The following SLC24A2 variants were observed in gnomAD, a reference collection of about 807,000 sequenced individuals.
SLC24A2 encodes the protein sodium/potassium/calcium exchanger 2.
SLC24A2 carries 36 observed loss-of-function variants against 62.0 expected under a neutral mutation model. The ratio of observed to expected loss-of-function variants is 0.58; its 90% confidence interval spans 0.44 to 0.77. The LOEUF is 0.77. Among genes scored for constraint, SLC24A2 ranks in the 30% least tolerant of loss-of-function variants. The pLI is 0.00. For synonymous variants in SLC24A2, 358 were observed against 294.0 expected, an observed-to-expected ratio of 1.22 and a Z score of -2.23; for missense variants, 846 against 817.9, an observed-to-expected ratio of 1.03 and a Z score of -0.42.
intron 2 of SLC24A2, among the ~76,000 whole-genome samples, chr9:19,703,992 T>A (rs1197494092): frequency 6.6e-6 from 1 of 152,210 alleles, no homozygotes; most frequent in African/African-American, 2.4e-5. Context: ...AGCAGGGCAA[T>A]TGGAAATAAC....
chr9:19,645,082 G>T (rs1818603780), intron 2 of SLC24A2, among the ~76,000 whole-genome samples: 1 of 152,156 alleles, frequency 6.6e-6, no homozygotes, highest in African/African-American at 2.4e-5. Context: ...TGCTCCTCAT[G>T]TCCACTGGTG....
chr9:20,224,078 T>G, the SLC24A2 span, among the ~76,000 whole-genome samples: 4 of 152,028 alleles, frequency 2.6e-5, no homozygotes, highest in African/African-American at 9.7e-5. Flanking sequence ...GAAACTGCCC[T>G]CATGATCCAA....
the SLC24A2 span, among the ~76,000 whole-genome samples, chr9:19,923,892 T>A: frequency 1.6e-3 from 251 of 152,224 alleles, no homozygotes; most frequent in Admixed American, 3.7e-3. Context: ...GGATTACAGG[T>A]GTGCACCACC....
At chr9:20,068,055 C>T in the SLC24A2 span, among the ~76,000 whole-genome samples, 7 of 131,642 alleles carry the variant, frequency 5.3e-5, no homozygotes, top group East Asian at 2.0e-4. Context: ...TATTTTTTGA[C>T]TCTTTTTTTT....
the SLC24A2 span, among the ~76,000 whole-genome samples, chr9:20,226,881 G>A: frequency 6.6e-6 from 1 of 152,206 alleles, no homozygotes. Flanking sequence ...AGCCAGCGAA[G>A]TAGGCTCTGA....
chr9:19,596,510 C>T (rs907284757), intron 5 of SLC24A2, among the ~76,000 whole-genome samples: 4 of 152,176 alleles, frequency 2.6e-5, no homozygotes, highest in African/African-American at 4.8e-5. Context: ...GGCAAACCTA[C>T]ATCAGAAAAG....
chr9:20,072,419 T>C, the SLC24A2 span, among the ~76,000 whole-genome samples: 1 of 152,102 alleles, frequency 6.6e-6, no homozygotes, highest in African/African-American at 2.4e-5. Flanking sequence ...AGGCCTAAAG[T>C]ACCCGAGGAT....
the SLC24A2 span, chr9:19,957,777 T>C: frequency 6.6e-6 from 1 of 152,208 alleles, no homozygotes; most frequent in Non-Finnish European, 1.5e-5. Flanking sequence ...CTGCTTGGAG[T>C]GGACAGGGTC....
intron 4 of SLC24A2, 85 bp from the exon 5 acceptor site, chr9:19,597,364 A>G: frequency 1.1e-6 from 1 of 928,192 alleles, no homozygotes; most frequent in Non-Finnish European, 1.8e-6. Context: ...AATTAATCAG[A>G]TTCAGAGTTA....
At chr9:19,544,049 A>G (rs1292451824) in intron 8 of SLC24A2, among the ~76,000 whole-genome samples, 1 of 152,054 alleles carries the variant, frequency 6.6e-6, no homozygotes, top group Non-Finnish European at 1.5e-5. Context: ...TCCCACTATT[A>G]TTGTGTGGGA....
chr9:19,557,728 G>C (rs1250279106), intron 7 of SLC24A2, among the ~76,000 whole-genome samples: 1 of 150,464 alleles, frequency 6.6e-6, no homozygotes, highest in Non-Finnish European at 1.5e-5. Flanking sequence ...TCAGACCCCA[G>C]TAATGAAACA....
the SLC24A2 span, among the ~76,000 whole-genome samples, chr9:20,194,136 A>T: frequency 6.6e-6 from 1 of 152,070 alleles, no homozygotes; most frequent in East Asian, 1.9e-4. Flanking sequence ...ACTAAGTAGA[A>T]CTCTGGACAA....
At chr9:19,808,824 T>C in the SLC24A2 span, among the ~76,000 whole-genome samples, 2 of 152,246 alleles carry the variant, frequency 1.3e-5, no homozygotes, top group African/African-American at 4.8e-5. This position sits in a 1 kb window ranked among gnomAD's most constrained non-coding sequence, Gnocchi z 4.1. Flanking sequence ...TTGCTTATTA[T>C]GACCTTCTAG....
the SLC24A2 span, among the ~76,000 whole-genome samples, chr9:19,895,025 TC>T: frequency 6.6e-5 from 10 of 152,292 alleles, no homozygotes; most frequent in African/African-American, 2.4e-4. Flanking sequence ...AGTTTGAAAA[TC>T]CCTTGCAAGT....
At chr9:20,228,568 G>A in the SLC24A2 span, among the ~76,000 whole-genome samples, 1 of 152,136 alleles carries the variant, frequency 6.6e-6, no homozygotes, top group Non-Finnish European at 1.5e-5. Context: ...CTTGCTGTAG[G>A]GTGGGTGCAT....
At chr9:19,962,520 G>C in the SLC24A2 span, among the ~76,000 whole-genome samples, 1 of 152,154 alleles carries the variant, frequency 6.6e-6, no homozygotes, top group African/African-American at 2.4e-5. Context: ...CCATTTGTTT[G>C]TATCCTCTTT....
In SLC24A2 at chr9:19,573,256, G is replaced by A; in HGVS notation, c.1347+95C>T. The A allele has an allele frequency of 1.4e-5, 12 of 848,186 alleles. 1 individual carries two copies. Among genetic ancestry groups the A allele is most frequent in the South Asian group, 1.3e-4 (10 of 74,134 alleles). 52.5% of individuals were successfully genotyped at this position (848,186 alleles called of 1,614,324 possible). A position where few individuals can be genotyped will look rare whatever the true frequency, so the allele number is the denominator to read the frequency against. On this transcript the variant is annotated intron_variant, in intron 7 of 10. Coordinates refer to ENST00000341998, the MANE Select transcript of SLC24A2 (RefSeq NM_020344.4). ...CTACCTGATTCCTGCCCAGCTGAGA[G>A]CTGGGGCTTCCAAGGAGAATATAGG...
At chr9:19,839,048 AAAAC>A in the SLC24A2 span, among the ~76,000 whole-genome samples, 3 of 152,358 alleles carry the variant, frequency 2.0e-5, no homozygotes, top group East Asian at 1.9e-4. Flanking sequence ...TTACAAGAAA[AAAAC>A]AAACAACACC....
the SLC24A2 span, among the ~76,000 whole-genome samples, chr9:20,181,563 T>G: frequency 5.3e-5 from 8 of 152,180 alleles, no homozygotes; most frequent in Non-Finnish European, 1.2e-4. Flanking sequence ...TAAATGGTGC[T>G]GGGAAAATTG....
Sources: gnomAD v4.1 joint callset for allele counts (sites outside exome capture counted in the v4.1 genomes callset) on GRCh38, gnomAD v4.1.1 for gene constraint, Gnocchi (gnomAD v3.1) non-coding constraint, MANE v1.5 for transcripts, NCBI Gene and HGNC (gene_info 2026-07-23, HGNC 2026-07-21) for gene names.